Variants in C9orf85 observed in about 807,000 individuals in gnomAD.
C9orf85 encodes uncharacterized protein C9orf85.
In C9orf85, 16 loss-of-function variants were observed where a neutral mutation model predicts 14.9. That is an observed-to-expected ratio of 1.08 (90% CI 0.73 to 1.63). C9orf85 has a LOEUF of 1.63. C9orf85 is among the 40% of genes most tolerant of loss of function. C9orf85 has a pLI of 0.00. For missense variants in C9orf85, 172 were observed against 186.1 expected (o/e 0.92, Z 0.44); for synonymous variants, 45 against 56.8 (o/e 0.79, Z 0.93).
chr9:71,958,355 C>T (rs904332889), intron 2 of C9orf85, among the ~76,000 whole-genome samples: 11 of 151,050 alleles, frequency 7.3e-5, no homozygotes, highest in Non-Finnish European at 1.2e-4. Flanking sequence ...CTCTGCCTCC[C>T]GGGTTCAAGC....
chr9:71,929,522 T>C (rs761901302), intron 1 of C9orf85, among the ~76,000 whole-genome samples: 1 of 152,174 alleles, frequency 6.6e-6, no homozygotes, highest in African/African-American at 2.4e-5. Flanking sequence ...GATCTCAGTA[T>C]GTTGAAAATC....
chr9:71,973,781 G>T (rs1274742455), downstream of C9orf85, among the ~76,000 whole-genome samples: 2 of 149,352 alleles, frequency 1.3e-5, no homozygotes, highest in African/African-American at 4.9e-5. Flanking sequence ...TCTGAATTTT[G>T]ATCATTATTG....
At chr9:71,970,199 C>T (rs896450423) in intron 2 of C9orf85, among the ~76,000 whole-genome samples, 1 of 152,130 alleles carries the variant, frequency 6.6e-6, no homozygotes, top group Non-Finnish European at 1.5e-5. Flanking sequence ...CCACCCACCT[C>T]GCCCTCCCAA....
At chr9:71,976,348 A>G (rs1589277140), downstream of C9orf85, among the ~76,000 whole-genome samples, 1 of 152,178 alleles carries the variant, frequency 6.6e-6, no homozygotes, top group African/African-American at 2.4e-5. Flanking sequence ...TCTGATCATA[A>G]AACTTATATG....
At chr9:71,932,044 A>G (rs1451314743) in intron 1 of C9orf85, among the ~76,000 whole-genome samples, 1 of 152,188 alleles carries the variant, frequency 6.6e-6, no homozygotes, top group Non-Finnish European at 1.5e-5. Context: ...TGAGTCCAGG[A>G]ATGATCATTC....
chr9:71,961,146 A>G (rs1822509191), intron 2 of C9orf85, among the ~76,000 whole-genome samples: 1 of 152,074 alleles, frequency 6.6e-6, no homozygotes, highest in Non-Finnish European at 1.5e-5. Context: ...TCCGGACCTC[A>G]GGTGATCCGC....
At chr9:71,941,751 A>G (rs1018983359) in intron 1 of C9orf85, 1 of 152,216 alleles carries the variant, frequency 6.6e-6, no homozygotes, top group Non-Finnish European at 1.5e-5. Context: ...TGAAATTTCA[A>G]TATAAACTGA....
intron 2 of C9orf85, among the ~76,000 whole-genome samples, chr9:71,951,071 G>A (rs149328693): frequency 2.4e-4 from 37 of 152,186 alleles, no homozygotes; most frequent in South Asian, 8.3e-4. Flanking sequence ...ATTTTACTGC[G>A]TTCGTAGCTG....
At chr9:71,922,161 G>A (rs891074988) in intron 1 of C9orf85, among the ~76,000 whole-genome samples, 6 of 151,866 alleles carry the variant, frequency 4.0e-5, no homozygotes, top group Admixed American at 6.6e-5. Flanking sequence ...GGCTGGTCTC[G>A]AACTTCTGAC....
chr9:71,985,481 C>T (rs1460256686), downstream of C9orf85: 1 of 152,236 alleles, frequency 6.6e-6, no homozygotes, highest in Non-Finnish European at 1.5e-5. Flanking sequence ...GGGCTCTGCC[C>T]TAGACCTACT....
intron 2 of C9orf85, among the ~76,000 whole-genome samples, chr9:71,954,536 TAAAC>T (rs1822335301): frequency 6.6e-6 from 1 of 152,176 alleles, no homozygotes; most frequent in South Asian, 2.1e-4. Flanking sequence ...GATGATATGC[TAAAC>T]AAGGGGTGGA....
At chr9:71,932,855 TAAAG>T (rs1474768450) in intron 1 of C9orf85, among the ~76,000 whole-genome samples, 1 of 151,894 alleles carries the variant, frequency 6.6e-6, no homozygotes, top group Non-Finnish European at 1.5e-5. Flanking sequence ...CTCAAAGAAC[TAAAG>T]AAAGATGTGG....
chr9:71,923,087 G>T (rs1056563208), intron 1 of C9orf85, among the ~76,000 whole-genome samples: 1 of 152,136 alleles, frequency 6.6e-6, no homozygotes, highest in African/African-American at 2.4e-5. Context: ...CTGAGGTCGC[G>T]CCGCTGCACT....
intron 1 of C9orf85, among the ~76,000 whole-genome samples, chr9:71,931,505 T>C (rs1828069306): frequency 6.6e-6 from 1 of 152,178 alleles, no homozygotes; most frequent in Non-Finnish European, 1.5e-5. Context: ...AAAATCAGTC[T>C]AAGATTTAGT....
Position 71,972,478 on chromosome 9 carries a change from C to T in C9orf85, c.324-214C>T, listed in dbSNP as rs144103639. ...TTTGCCACGTTGGCCAGGCTGGTTT[C>T]GAACCCCTGGCCTCAGGTGATCTGC... On this transcript the variant is annotated intron_variant, in intron 3 of 3. Transcript: ENST00000334731. 6.7e-3 allele frequency among the ~76,000 whole-genome samples: 1,026 copies of T among 152,302 alleles called. 11 individuals are homozygous for T. The highest frequency in any genetic ancestry group is 0.023 in the African/African-American group (964 of 41,564).
At chr9:71,926,243 G>A (rs1827926947) in intron 1 of C9orf85, among the ~76,000 whole-genome samples, 2 of 152,172 alleles carry the variant, frequency 1.3e-5, no homozygotes, top group South Asian at 4.1e-4. Flanking sequence ...AGACCTTTCT[G>A]TGATAGAAAT....
At chr9:71,944,404 T>TC in intron 1 of C9orf85, among the ~76,000 whole-genome samples, 1 of 152,118 alleles carries the variant, frequency 6.6e-6, no homozygotes, top group Middle Eastern at 3.4e-3. Context: ...AGTGGACTCT[T>TC]CCACTGAAGA....
At chr9:71,969,393 C>T (rs2181813) in intron 2 of C9orf85, among the ~76,000 whole-genome samples, 29,079 of 152,120 alleles carry the variant, frequency 0.19, 3,125 homozygotes, top group Non-Finnish European at 0.24. Flanking sequence ...CCACCTGCCT[C>T]AGCCTCCCAA....
chr9:71,957,934 T>C (rs546844872), intron 2 of C9orf85, among the ~76,000 whole-genome samples: 5 of 152,322 alleles, frequency 3.3e-5, no homozygotes, highest in African/African-American at 1.2e-4. Flanking sequence ...TTTGGTATTA[T>C]AGAACCTTTA....
Sources: gnomAD v4.1 joint callset for allele counts (sites outside exome capture counted in the v4.1 genomes callset) on GRCh38, gnomAD v4.1.1 for gene constraint, MANE v1.5 for transcripts, NCBI Gene and HGNC (gene_info 2026-07-23, HGNC 2026-07-21) for gene names.